The following ST7 variants were observed in gnomAD, a reference collection of about 807,000 sequenced individuals.
ST7 encodes the protein suppressor of tumorigenicity 7 protein.
A neutral mutation model predicts 78.7 loss-of-function variants in ST7; 28 were observed. That is an observed-to-expected ratio of 0.36 (90% CI 0.26 to 0.49). The LOEUF (loss-of-function observed/expected upper bound fraction) is 0.49, where lower values mean the gene tolerates loss of function less well. Among genes scored for constraint, ST7 ranks in the 20% least tolerant of loss-of-function variants. The pLI is 0.99. For missense variants in ST7, 418 were observed against 696.0 expected (o/e 0.60, Z 4.49); for synonymous variants, 247 against 249.6 (o/e 0.99, Z 0.10).
At chr7:117,205,155 C>T (rs540426713) in intron 12 of ST7, among the ~76,000 whole-genome samples, 1 of 152,186 alleles carries the variant, frequency 6.6e-6, no homozygotes, top group African/African-American at 2.4e-5. Context: ...TATTTAACCA[C>T]CATGAACATT....
chr7:117,220,069 AT>A (rs1233235788), intron 14 of ST7, among the ~76,000 whole-genome samples: 4 of 152,084 alleles, frequency 2.6e-5, no homozygotes, highest in African/African-American at 9.7e-5. Context: ...CCCCAGTTAT[AT>A]CAATATCTTA....
chr7:117,104,222 C>A (rs1461938367), intron 2 of ST7, among the ~76,000 whole-genome samples: 1 of 152,184 alleles, frequency 6.6e-6, no homozygotes, highest in African/African-American at 2.4e-5. Context: ...AGGAGGATCA[C>A]ATGAGGCCAG....
chr7:117,173,764 C>T (rs1808169474), intron 10 of ST7, among the ~76,000 whole-genome samples: 2 of 151,978 alleles, frequency 1.3e-5, no homozygotes, highest in Admixed American at 6.6e-5. Flanking sequence ...GTTGGGTAGC[C>T]GTTTTTTGGA....
At chr7:116,977,622 G>A (rs988608954) in intron 1 of ST7, among the ~76,000 whole-genome samples, 2 of 152,322 alleles carry the variant, frequency 1.3e-5, no homozygotes, top group East Asian at 3.9e-4. Context: ...CACGATCTTG[G>A]CTCATTGCAC....
chr7:117,094,533 C>G (rs1450693338), intron 1 of ST7, among the ~76,000 whole-genome samples: 1 of 152,162 alleles, frequency 6.6e-6, no homozygotes, highest in African/African-American at 2.4e-5. Flanking sequence ...CTCTTGTGGT[C>G]AGGGGCAGTG....
intron 1 of ST7, among the ~76,000 whole-genome samples, chr7:117,075,290 A>G (rs1480980695): frequency 1.3e-5 from 2 of 152,202 alleles, no homozygotes; most frequent in East Asian, 3.8e-4. Flanking sequence ...TTGAATATAT[A>G]TTATATGCCA....
At chr7:117,053,504 C>T (rs1797899441) in intron 1 of ST7, among the ~76,000 whole-genome samples, 1 of 152,166 alleles carries the variant, frequency 6.6e-6, no homozygotes, top group African/African-American at 2.4e-5. Flanking sequence ...ATGACTAGAA[C>T]TAGGGAAAGA....
chr7:117,062,352 C>A (rs559363111), intron 1 of ST7, among the ~76,000 whole-genome samples: 1 of 152,292 alleles, frequency 6.6e-6, no homozygotes, highest in South Asian at 2.1e-4. Context: ...AGCAGGTACC[C>A]TATCTTATAC....
chr7:117,040,970 T>G (rs192084145), intron 1 of ST7, among the ~76,000 whole-genome samples: 1 of 152,316 alleles, frequency 6.6e-6, no homozygotes, highest in Admixed American at 6.5e-5. Flanking sequence ...CCCTACTTCC[T>G]TCACTATCTA....
chr7:117,160,528 T>C (rs1056137950), intron 9 of ST7, among the ~76,000 whole-genome samples: 2 of 148,570 alleles, frequency 1.3e-5, no homozygotes, highest in African/African-American at 5.2e-5. Context: ...CTCTCTCCCG[T>C]GACAATCCCT....
intron 12 of ST7, among the ~76,000 whole-genome samples, chr7:117,207,307 C>T (rs905841575): frequency 6.6e-6 from 1 of 152,070 alleles, no homozygotes; most frequent in African/African-American, 2.4e-5. Context: ...CCACGCCCAG[C>T]TAATTTTTGT....
At chr7:117,159,815 C>G (rs57219113) in intron 9 of ST7, among the ~76,000 whole-genome samples, 7,532 of 152,154 alleles carry the variant, frequency 0.05, 629 homozygotes, top group African/African-American at 0.17. Context: ...ATTGCTGGAA[C>G]CCAGAAGGCG....
intron 9 of ST7, among the ~76,000 whole-genome samples, 157 bp from the exon 10 acceptor site, chr7:117,170,705 C>T (rs1475230494): frequency 6.6e-6 from 1 of 151,964 alleles, no homozygotes; most frequent in African/African-American, 2.4e-5. Flanking sequence ...ATAAGAAATA[C>T]TTATTTCTTA....
At chr7:117,161,264 T>G (rs916526715) in intron 9 of ST7, among the ~76,000 whole-genome samples, 4 of 152,124 alleles carry the variant, frequency 2.6e-5, no homozygotes, top group African/African-American at 9.7e-5. Context: ...ATATGAAAAG[T>G]ACATGTCACA....
chr7:117,032,877 T>C (rs1321810231), intron 1 of ST7, among the ~76,000 whole-genome samples: 1 of 152,206 alleles, frequency 6.6e-6, no homozygotes, highest in African/African-American at 2.4e-5. Flanking sequence ...TTTCTCACCC[T>C]TTTTCTAAGT....
intron 1 of ST7, among the ~76,000 whole-genome samples, chr7:117,029,466 T>C (rs148365410): frequency 6.6e-6 from 1 of 152,308 alleles, no homozygotes; most frequent in African/African-American, 2.4e-5. Context: ...TTTTGAAGGT[T>C]CTTCATATAT....
At chr7:117,156,239 A>C (rs940217994) in intron 9 of ST7, among the ~76,000 whole-genome samples, 2 of 152,208 alleles carry the variant, frequency 1.3e-5, no homozygotes, top group African/African-American at 2.4e-5. Context: ...ATAGTGCCTG[A>C]TACACAGTAA....
At chr7:117,107,205 T>C (rs1447928775) in intron 2 of ST7, among the ~76,000 whole-genome samples, 1 of 152,228 alleles carries the variant, frequency 6.6e-6, no homozygotes, top group Non-Finnish European at 1.5e-5. Context: ...TTTTTGCTAT[T>C]GCAAATTGTG....
chr7:117,065,227 T>TA (rs1798569507), intron 1 of ST7, among the ~76,000 whole-genome samples: 1 of 102,058 alleles, frequency 9.8e-6, no homozygotes, highest in African/African-American at 3.5e-5. Context: ...TTTTTTTTTT[T>TA]AGACGGAGTC....
Sources: allele counts gnomAD v4.1 joint callset (sites outside exome capture counted in the v4.1 genomes callset), GRCh38; gene constraint gnomAD v4.1.1; transcripts MANE v1.5; gene names NCBI Gene and HGNC (gene_info 2026-07-23, HGNC 2026-07-21).